The following UBE2E3 variants were observed in gnomAD, a reference collection of about 807,000 sequenced individuals.
The protein encoded by UBE2E3 is ubiquitin-conjugating enzyme E2 E3.
Under a neutral mutation model 23.6 loss-of-function variants are expected in UBE2E3, and 5 were observed. The observed-to-expected ratio is 0.21, with a 90% confidence interval of 0.11 to 0.44. The LOEUF is 0.44. UBE2E3 is among the 20% of genes least tolerant of loss of function. The pLI is 0.99. For synonymous variants in UBE2E3, 78 were observed against 87.5 expected (o/e 0.89, Z 0.60); for missense variants, 81 against 249.8 (o/e 0.32, Z 4.55).
chr2:180,992,295 AC>A (rs968900257), intron 3 of UBE2E3, among the ~76,000 whole-genome samples: 3 of 152,206 alleles, frequency 2.0e-5, no homozygotes, highest in African/African-American at 7.2e-5. Flanking sequence ...ACACAGTATT[AC>A]ACAGAAAGGA....
At chr2:180,983,891 C>G (rs1400432351) in intron 2 of UBE2E3, 152 bp from the exon 3 acceptor site, 1 of 530,202 alleles carries the variant, frequency 1.9e-6, no homozygotes, top group Non-Finnish European at 3.3e-6. Flanking sequence ...TGGGTTATGC[C>G]TCTGAGAACA....
At chr2:180,991,337 T>C (rs1410343963) in intron 3 of UBE2E3, among the ~76,000 whole-genome samples, 2 of 152,200 alleles carry the variant, frequency 1.3e-5, no homozygotes. Flanking sequence ...ATGATACGTT[T>C]ACATAAGGGT....
intron 3 of UBE2E3, among the ~76,000 whole-genome samples, chr2:181,051,021 G>A (rs1347249098): frequency 2.0e-5 from 3 of 151,592 alleles, no homozygotes; most frequent in Admixed American, 6.6e-5. Flanking sequence ...AAGTTTCTTC[G>A]TACTTTCTTC....
At chr2:181,000,183 C>CA (rs1684949494) in intron 3 of UBE2E3, among the ~76,000 whole-genome samples, 1 of 152,124 alleles carries the variant, frequency 6.6e-6, no homozygotes, top group South Asian at 2.1e-4. Flanking sequence ...GAATAAGACT[C>CA]ACTGTATTAT....
intron 3 of UBE2E3, among the ~76,000 whole-genome samples, chr2:181,004,077 T>A (rs996390698): frequency 5.9e-5 from 9 of 152,090 alleles, no homozygotes; most frequent in Non-Finnish European, 8.8e-5. Context: ...TTGGAGAGGC[T>A]GGGGTGGAGA....
chr2:181,023,038 C>A (rs941339167), intron 3 of UBE2E3, among the ~76,000 whole-genome samples: 1 of 152,170 alleles, frequency 6.6e-6, no homozygotes, highest in African/African-American at 2.4e-5. Flanking sequence ...GGTGAGAAAG[C>A]AATATACATT....
chr2:180,988,214 C>T (rs1451411039), intron 3 of UBE2E3, among the ~76,000 whole-genome samples: 2 of 152,068 alleles, frequency 1.3e-5, no homozygotes, highest in East Asian at 1.9e-4. Context: ...GACAGTGTAG[C>T]CTGTAGTGAT....
chr2:181,049,087 T>C lies in UBE2E3; in HGVS notation c.246-8606T>C, dbSNP rs371160952. Reference sequence around the variant, plus strand: ...TTTCTGGAGATTTCAGCTGAGGGAGTAAAGAAGCTTCAGAGGATAAAGATA... The same window carrying C: ...TTTCTGGAGATTTCAGCTGAGGGAGCAAAGAAGCTTCAGAGGATAAAGATA... On this transcript the variant is annotated intron_variant, in intron 3 of 5. Coordinates refer to ENST00000410062, the MANE Select transcript of UBE2E3 (RefSeq NM_006357.4). Among the ~76,000 whole-genome samples the C allele has an allele frequency of 6.6e-5, 10 of 152,002 alleles. No individual in the cohort carries two copies. In the South Asian group the frequency reaches 2.1e-3, roughly 32 times the overall value.
chr2:181,004,987 T>G (rs12613470), intron 3 of UBE2E3, among the ~76,000 whole-genome samples: 59,293 of 152,080 alleles, frequency 0.39, 12,255 homozygotes, highest in East Asian at 0.57. Context: ...TGTCAGCCTA[T>G]AAGACAAACT....
chr2:181,035,552 C>G (rs1318203673), intron 3 of UBE2E3, among the ~76,000 whole-genome samples: 1 of 152,060 alleles, frequency 6.6e-6, no homozygotes, highest in African/African-American at 2.4e-5. Context: ...CAATGCTAAG[C>G]TCATTAGTAA....
intron 3 of UBE2E3, among the ~76,000 whole-genome samples, chr2:181,003,859 T>C (rs894948332): frequency 6.6e-6 from 1 of 152,240 alleles, no homozygotes; most frequent in Non-Finnish European, 1.5e-5. Flanking sequence ...GTAATTTACA[T>C]GTATTGTTGA....
At position 180,982,088 on chromosome 2, in the gene UBE2E3, A is replaced by G. The variant is rs1684313530; in HGVS notation, c.46A>G (p.Ser16Gly). Residue 16 changes from serine (S) to glycine (G), a missense_variant, in exon 2 of 6, where the codon AGC (serine) becomes GGC (glycine). Transcript: ENST00000410062. ...QRSDDESPST[S>G]SGSSDADQRD... ...GTCCGATGATGAGAGCCCCAGCACC[A>G]GCAGTGGCAGTTCAGATGCGGACCA... is the stretch of plus-strand genomic sequence containing the variant. 6.2e-7 allele frequency: 1 copy of G among 1,610,128 alleles called. No individual in the cohort carries two copies. Among genetic ancestry groups the G allele is most frequent in the Non-Finnish European group, 8.5e-7 (1 of 1,178,632 alleles).
chr2:181,058,467 T>G (rs1165642159), intron 4 of UBE2E3, among the ~76,000 whole-genome samples: 1 of 151,670 alleles, frequency 6.6e-6, no homozygotes, highest in Non-Finnish European at 1.5e-5. Context: ...AATATAACAA[T>G]TACTTGAATG....
intron 3 of UBE2E3, among the ~76,000 whole-genome samples, chr2:181,054,486 A>T (rs143424135): frequency 6.6e-6 from 1 of 151,786 alleles, no homozygotes; most frequent in African/African-American, 2.4e-5. Context: ...CCCTAATGAC[A>T]TGAGTTTGAA....
intron 3 of UBE2E3, among the ~76,000 whole-genome samples, chr2:181,032,955 A>C (rs1286089795): frequency 6.6e-6 from 1 of 152,210 alleles, no homozygotes; most frequent in African/African-American, 2.4e-5. Context: ...TAAAATACCT[A>C]GGAATCCAAC....
At chr2:181,004,054 G>A (rs779625637) in intron 3 of UBE2E3, among the ~76,000 whole-genome samples, 52 of 152,324 alleles carry the variant, frequency 3.4e-4, no homozygotes, top group Non-Finnish European at 6.0e-4. Context: ...GTGAATGTGT[G>A]TGTGGGAAGG....
At chr2:181,030,820 T>G (rs1686053415) in intron 3 of UBE2E3, among the ~76,000 whole-genome samples, 1 of 152,158 alleles carries the variant, frequency 6.6e-6, no homozygotes, top group Non-Finnish European at 1.5e-5. Flanking sequence ...ATTAGAGCAT[T>G]TATTTTTTTC....
At chr2:181,005,919 C>A (rs759090482) in intron 3 of UBE2E3, among the ~76,000 whole-genome samples, 16 of 152,314 alleles carry the variant, frequency 1.1e-4, no homozygotes, top group South Asian at 2.1e-4. Context: ...TAGTCTTGAA[C>A]TGCTTCTGGC....
At chr2:181,033,125 A>C (rs565916430) in intron 3 of UBE2E3, among the ~76,000 whole-genome samples, 1 of 152,236 alleles carries the variant, frequency 6.6e-6, no homozygotes, top group African/African-American at 2.4e-5. Context: ...TATAGATTCA[A>C]TGCCATCCCC....
Sources: gnomAD v4.1 joint callset for allele counts (sites outside exome capture counted in the v4.1 genomes callset) on GRCh38, gnomAD v4.1.1 for gene constraint, MANE v1.5 for transcripts, NCBI Gene and HGNC (gene_info 2026-07-23, HGNC 2026-07-21) for gene names.